Variants in KCNH5 observed in about 807,000 individuals in gnomAD.
The protein encoded by KCNH5 is potassium voltage-gated channel subfamily H member 5.
KCNH5 carries 46 observed loss-of-function variants against 96.1 expected under a neutral mutation model. The observed-to-expected ratio is 0.48, with a 90% CI of 0.38 to 0.61. KCNH5 has a LOEUF of 0.61. Among genes scored for constraint, KCNH5 ranks in the 20% least tolerant of loss-of-function variants. The pLI is 0.00. For synonymous variants in KCNH5, 439 were observed against 449.8 expected (o/e 0.98, Z 0.30); for missense variants, 907 against 1,225.8 (o/e 0.74, Z 3.88).
intron 9 of KCNH5, among the ~76,000 whole-genome samples, chr14:62,795,218 CAA>C: frequency 6.6e-6 from 1 of 152,048 alleles, no homozygotes; most frequent in African/African-American, 2.4e-5. Flanking sequence ...AGGAAATTGG[CAA>C]GTGAGTCAAC....
intron 8 of KCNH5, among the ~76,000 whole-genome samples, chr14:62,813,863 G>A (rs1886920452): frequency 6.6e-6 from 1 of 152,128 alleles, no homozygotes; most frequent in Non-Finnish European, 1.5e-5. Context: ...GGGAAGAAAA[G>A]AAAGCTCACC....
intron 7 of KCNH5, among the ~76,000 whole-genome samples, chr14:62,851,186 TTTTTTAAGACAGA>T (rs1412610454): frequency 6.6e-6 from 1 of 152,270 alleles, no homozygotes; most frequent in Non-Finnish European, 1.5e-5. Context: ...TGCAGGACAA[TTTTTTAAGACAGA>T]TTTTTAAGAC....
chr14:63,005,770 A>G (rs1483789784), intron 3 of KCNH5, among the ~76,000 whole-genome samples: 1 of 152,216 alleles, frequency 6.6e-6, no homozygotes, highest in Non-Finnish European at 1.5e-5. Flanking sequence ...ATGTCATTAT[A>G]TAATGCATAC....
intron 10 of KCNH5, 74 bp from the exon 11 acceptor site, chr14:62,708,529 T>A: frequency 1.1e-6 from 1 of 907,450 alleles, no homozygotes; most frequent in Non-Finnish European, 1.6e-6. Context: ...TACTATGCTG[T>A]ATGTGCTTTG....
At chr14:62,789,368 G>T (rs1886385017) in intron 9 of KCNH5, among the ~76,000 whole-genome samples, 2 of 151,848 alleles carry the variant, frequency 1.3e-5, no homozygotes, top group African/African-American at 4.8e-5. Flanking sequence ...CTTGCCTATT[G>T]TGAACAATAC....
intron 10 of KCNH5, among the ~76,000 whole-genome samples, chr14:62,772,457 T>C (rs1312622999): frequency 6.6e-6 from 1 of 151,958 alleles, no homozygotes; most frequent in Non-Finnish European, 1.5e-5. Context: ...GCCAACATGG[T>C]GAAACCCTGT....
intron 7 of KCNH5, among the ~76,000 whole-genome samples, chr14:62,922,870 C>T (rs1015840905): frequency 4.0e-5 from 6 of 151,722 alleles, no homozygotes; most frequent in African/African-American, 1.2e-4. Flanking sequence ...AAGCCTTTTC[C>T]GTAAGATCAG....
intron 9 of KCNH5, among the ~76,000 whole-genome samples, chr14:62,792,278 A>T (rs1886451806): frequency 6.6e-6 from 1 of 151,576 alleles, no homozygotes; most frequent in African/African-American, 2.4e-5. Context: ...AGAGAAGCAA[A>T]TAATAATTCT....
At chr14:62,810,948 G>A (rs12891982) in intron 8 of KCNH5, among the ~76,000 whole-genome samples, 20,833 of 151,912 alleles carry the variant, frequency 0.14, 1,664 homozygotes, top group Non-Finnish European at 0.18. Flanking sequence ...ACATATTTCT[G>A]GTGACCACAG....
chr14:63,010,423 A>G (rs1891203481), intron 2 of KCNH5, among the ~76,000 whole-genome samples: 1 of 152,176 alleles, frequency 6.6e-6, no homozygotes, highest in South Asian at 2.1e-4. Flanking sequence ...TTCTCCAGGA[A>G]CCATGCTTTC....
chr14:63,002,949 G>A (rs540900027), intron 3 of KCNH5, among the ~76,000 whole-genome samples: 230 of 152,160 alleles, frequency 1.5e-3, no homozygotes, highest in Non-Finnish European at 2.2e-3. Context: ...TGATGTGCAC[G>A]GTTTTACAAA....
intron 8 of KCNH5, among the ~76,000 whole-genome samples, chr14:62,837,446 TC>T (rs1826168943): frequency 6.6e-6 from 1 of 152,224 alleles, no homozygotes; most frequent in Admixed American, 6.5e-5. Context: ...TGGTTAAACT[TC>T]CGGTCAGGCC....
intron 7 of KCNH5, among the ~76,000 whole-genome samples, chr14:62,855,447 G>T (rs1458433991): frequency 6.6e-6 from 1 of 152,164 alleles, no homozygotes. Context: ...AGCCATCCTA[G>T]CTGATACCAC....
intron 10 of KCNH5, among the ~76,000 whole-genome samples, chr14:62,763,502 T>G (rs1885797176): frequency 6.6e-6 from 1 of 151,838 alleles, no homozygotes. Flanking sequence ...ACAAACCAAC[T>G]GCAAATCTAG....
chr14:62,783,935 C>T (rs1886269794), intron 9 of KCNH5, among the ~76,000 whole-genome samples: 1 of 150,902 alleles, frequency 6.6e-6, no homozygotes, highest in Non-Finnish European at 1.5e-5. Flanking sequence ...TCTACTTTAT[C>T]TTCTTTTCTT....
chr14:62,887,562 G>C (rs1888622055), intron 7 of KCNH5, among the ~76,000 whole-genome samples: 1 of 151,962 alleles, frequency 6.6e-6, no homozygotes, highest in South Asian at 2.1e-4. Flanking sequence ...ACTAGATGAG[G>C]TAACATTGAG....
chr14:62,889,108 A>AT (rs1388186657), intron 7 of KCNH5, among the ~76,000 whole-genome samples: 3 of 152,116 alleles, frequency 2.0e-5, no homozygotes, highest in African/African-American at 4.8e-5. Flanking sequence ...GAAGGAGGAG[A>AT]TTTTGTCTAA....
In KCNH5 at chr14:62,720,745, A is replaced by C. The variant is rs188365448; in HGVS notation, c.2020-12290T>G. 5.4e-4 allele frequency among the ~76,000 whole-genome samples: 82 copies of C among 152,222 alleles called. 1 individual carries two copies. In the East Asian group the frequency reaches 7.9e-3, roughly 15 times the overall value. ...CTGGATGAATAATCCCAGAGGAAAA[A>C]CAACAACAACAACACTCTTTTTAGT... On this transcript the variant is annotated intron_variant, in intron 10 of 10. Transcript: ENST00000322893.
chr14:62,990,321 C>T (rs925028394), intron 4 of KCNH5, among the ~76,000 whole-genome samples: 15 of 151,990 alleles, frequency 9.9e-5, no homozygotes, highest in Admixed American at 2.6e-4. Flanking sequence ...CAGACTACAA[C>T]TGTGTTTCTT....
Sources: allele counts gnomAD v4.1 joint callset (sites outside exome capture counted in the v4.1 genomes callset), GRCh38; gene constraint gnomAD v4.1.1; transcripts MANE v1.5; gene names NCBI Gene and HGNC (gene_info 2026-07-23, HGNC 2026-07-21).